The following AIDA variants were observed in gnomAD, a reference collection of about 807,000 sequenced individuals.
AIDA encodes the protein axin interactor, dorsalization associated.
Under a neutral mutation model 42.7 loss-of-function variants are expected in AIDA, and 18 were observed. The observed-to-expected ratio is 0.42, with a 90% CI of 0.29 to 0.63. The LOEUF (loss-of-function observed/expected upper bound fraction) is 0.63. Among genes scored for constraint, AIDA ranks in the 20% least tolerant of loss-of-function variants. The pLI is 0.19. For synonymous variants in AIDA, 104 were observed against 122.9 expected, an observed-to-expected ratio of 0.85 and a Z score of 1.02; for missense variants, 250 against 354.1, an observed-to-expected ratio of 0.71 and a Z score of 2.36.
At chr1:222,702,638 C>T (rs929427136) in intron 2 of AIDA, among the ~76,000 whole-genome samples, 1 of 152,196 alleles carries the variant, frequency 6.6e-6, no homozygotes, top group Non-Finnish European at 1.5e-5. Context: ...TTGACTTGAA[C>T]TAATTGTTTT....
At chr1:222,673,031 C>G (rs956651745) in intron 8 of AIDA, among the ~76,000 whole-genome samples, 1 of 152,214 alleles carries the variant, frequency 6.6e-6, no homozygotes, top group Admixed American at 6.5e-5. Context: ...ACTCCTGCTT[C>G]TCCCAGCCCT....
Position 222,686,979 on chromosome 1 carries a change from CTCTTCTTCA to C in AIDA, c.402_410del (p.Asp134_Glu136del). On this transcript the variant is annotated inframe_deletion, in exon 6 of 10. Coordinates refer to ENST00000340020, the MANE Select transcript of AIDA (RefSeq NM_022831.4). ...CAGGAGACCCTGCTCCAGCACCACC[CTCTTCTTCA>C]TCTTCTTCAAATTCCAAATTCTCTT... 1 of 1,613,506 alleles carries C rather than the reference CTCTTCTTCA, an allele frequency of 6.2e-7. No homozygotes were observed.
At chr1:222,694,843 G>A (rs559780471) in intron 2 of AIDA, among the ~76,000 whole-genome samples, 15 of 152,158 alleles carry the variant, frequency 9.9e-5, no homozygotes, top group Non-Finnish European at 2.1e-4. Context: ...CATTAGGAGA[G>A]ATAAGACACA....
chr1:222,710,318 G>T (rs561464287), intron 1 of AIDA, among the ~76,000 whole-genome samples: 1 of 152,156 alleles, frequency 6.6e-6, no homozygotes, highest in Non-Finnish European at 1.5e-5. Flanking sequence ...CTAGAATCAT[G>T]AAGTTCAATG....
chr1:222,699,142 GT>G (rs1558214689), intron 2 of AIDA, among the ~76,000 whole-genome samples: 1 of 151,978 alleles, frequency 6.6e-6, no homozygotes, highest in Non-Finnish European at 1.5e-5. Flanking sequence ...GTTTTGTTTT[GT>G]TTTTTTAATT....
intron 1 of AIDA, among the ~76,000 whole-genome samples, chr1:222,706,237 C>A (rs1168658568): frequency 1.3e-5 from 2 of 152,152 alleles, no homozygotes; most frequent in African/African-American, 4.8e-5. Flanking sequence ...TAAAATGATA[C>A]ACCCAGTTTG....
intron 1 of AIDA, among the ~76,000 whole-genome samples, chr1:222,705,943 CTG>C (rs1655827262): frequency 6.6e-6 from 1 of 151,952 alleles, no homozygotes; most frequent in African/African-American, 2.4e-5. Context: ...TGATAAAAGA[CTG>C]TATCCAGAAT....
chr1:222,695,018 A>G (rs1176953340), intron 2 of AIDA, among the ~76,000 whole-genome samples: 1 of 152,224 alleles, frequency 6.6e-6, no homozygotes, highest in African/African-American at 2.4e-5. Context: ...TCATGGTTCA[A>G]TTGTCTAAAG....
At chr1:222,700,978 G>GC (rs924166154) in intron 2 of AIDA, among the ~76,000 whole-genome samples, 9 of 146,008 alleles carry the variant, frequency 6.2e-5, no homozygotes, top group Non-Finnish European at 1.1e-4. Context: ...TTTTGGGGGG[G>GC]GGGGGACAGG....
At chr1:222,688,119 C>CTGAG (rs1201897217) in intron 4 of AIDA, among the ~76,000 whole-genome samples, 1 of 152,116 alleles carries the variant, frequency 6.6e-6, no homozygotes, top group African/African-American at 2.4e-5. Flanking sequence ...ACTCAGGAGG[C>CTGAG]TGAGGTAGGA....
intron 6 of AIDA, among the ~76,000 whole-genome samples, chr1:222,681,419 T>A (rs1231022912): frequency 6.6e-6 from 1 of 152,226 alleles, no homozygotes; most frequent in Non-Finnish European, 1.5e-5. Context: ...ATCCCAGCAC[T>A]TTGGGAGGCC....
At chr1:222,693,176 A>C (rs893960482) in intron 4 of AIDA, among the ~76,000 whole-genome samples, 1 of 152,174 alleles carries the variant, frequency 6.6e-6, no homozygotes, top group Non-Finnish European at 1.5e-5. Context: ...ATACATAATA[A>C]TGTTAAGATG....
intron 1 of AIDA, among the ~76,000 whole-genome samples, chr1:222,708,390 A>C (rs1655900117): frequency 6.7e-6 from 1 of 150,308 alleles, no homozygotes; most frequent in African/African-American, 2.4e-5. Context: ...TTTTTTTAAG[A>C]CGAGTCTCAC....
chr1:222,677,165 G>A (rs928662422), intron 6 of AIDA, among the ~76,000 whole-genome samples: 1 of 151,912 alleles, frequency 6.6e-6, no homozygotes, highest in East Asian at 1.9e-4. Context: ...TATTATAGAC[G>A]TTATAATATT....
At chr1:222,711,419 A>C (rs1656031092) in intron 1 of AIDA, 1 of 152,248 alleles carries the variant, frequency 6.6e-6, no homozygotes, top group African/African-American at 2.4e-5. Context: ...GAAAAGGAGG[A>C]GGGATCCAAG....
intron 7 of AIDA, 129 bp downstream of exon 7, chr1:222,675,967 T>C (rs534719114): frequency 1.1e-4 from 118 of 1,042,572 alleles, no homozygotes; most frequent in South Asian, 4.2e-4. Context: ...TGCCTCATGA[T>C]AGAATGAACT....
intron 3 of AIDA, 109 bp downstream of exon 3, chr1:222,694,101 T>A: frequency 2.1e-5 from 22 of 1,056,588 alleles, no homozygotes; most frequent in Non-Finnish European, 2.6e-5. Flanking sequence ...GATGTTGTTA[T>A]AAAACACTTC....
chr1:222,676,094 A>G lies in AIDA; in HGVS notation c.583+2T>C. ...AAAAAAAAAGTAAACAGAGTCACTT[A>G]CCCTTTACACTAACTGTAATATAGG... On this transcript the variant is annotated splice_donor_variant, in intron 7 of 9. Transcript: ENST00000340020. LOFTEE classifies it high-confidence loss of function. The G allele has an allele frequency of 1.3e-6, 2 of 1,561,518 alleles. No individual in the cohort carries two copies. Among genetic ancestry groups the G allele is most frequent in the Non-Finnish European group, 1.7e-6 (2 of 1,159,050 alleles).
At chr1:222,687,070 T>A in intron 5 of AIDA, 34 bp from the exon 6 acceptor site, 1 of 1,602,266 alleles carries the variant, frequency 6.2e-7, no homozygotes, top group South Asian at 1.1e-5. Flanking sequence ...AACAACAAAC[T>A]GCAAAACTAA....
Sources: gnomAD v4.1 joint callset for allele counts (sites outside exome capture counted in the v4.1 genomes callset) on GRCh38, gnomAD v4.1.1 for gene constraint, MANE v1.5 for transcripts, NCBI Gene and HGNC (gene_info 2026-07-23, HGNC 2026-07-21) for gene names.